The following RMND1 variants were observed in gnomAD, a reference collection of about 807,000 sequenced individuals.
The protein encoded by RMND1 is required for meiotic nuclear division 1 homolog.
A neutral mutation model predicts 54.0 loss-of-function variants in RMND1; 41 were observed. That is an observed-to-expected ratio of 0.76 (90% CI 0.59 to 0.98). RMND1 has a LOEUF of 0.98. Ranked by LOEUF, RMND1 falls within the 50% of genes least tolerant of loss-of-function variation. The probability of loss-of-function intolerance (pLI) is 0.00; values close to 1 mark genes in which losing one functional copy is unlikely to be tolerated. For synonymous variants in RMND1, 183 were observed against 181.7 expected, an observed-to-expected ratio of 1.01 and a Z score of -0.06; for missense variants, 457 against 532.0, an observed-to-expected ratio of 0.86 and a Z score of 1.39.
chr6:151,451,738 G>A (rs2114983673), intron 1 of RMND1, among the ~76,000 whole-genome samples: 1 of 152,294 alleles, frequency 6.6e-6, no homozygotes, highest in East Asian at 1.9e-4. Flanking sequence ...CGAGAGCTAA[G>A]TGGCGCTCAT....
Position 151,405,650 on chromosome 6 carries a change from CTTATT to C in RMND1, c.1317+65_1317+69del. 5.2e-6 allele frequency: 4 copies of C among 766,672 alleles called. No individual in the cohort carries two copies. The South Asian group carries it at 6.6e-5, about 13-fold the overall frequency. 47.5% of individuals were successfully genotyped at this position (766,672 alleles called of 1,614,324 possible). On this transcript the variant is annotated intron_variant, in intron 11 of 11. Transcript: ENST00000444024. ...CTAATAATTTTCTATCTCAAACTATCTTATTAGCATAGCCCCTGTATTTGTGAAAA... is the reference window on the plus strand; with the variant it reads ...CTAATAATTTTCTATCTCAAACTATCAGCATAGCCCCTGTATTTGTGAAAA...
At chr6:151,409,934 C>T (rs2114915987) in intron 10 of RMND1, among the ~76,000 whole-genome samples, 1 of 152,324 alleles carries the variant, frequency 6.6e-6, no homozygotes, top group African/African-American at 2.4e-5. Flanking sequence ...TGTAACTGCT[C>T]TCTGCATCTG....
At chr6:151,444,646 C>T (rs1414589266) in intron 2 of RMND1, 3 of 124,820 alleles carry the variant, frequency 2.4e-5, no homozygotes, top group African/African-American at 5.4e-5. Context: ...ATTAAAGATC[C>T]TCTTATAAAC....
chr6:151,419,039 G>A (rs1303115807), intron 9 of RMND1, among the ~76,000 whole-genome samples: 1 of 150,554 alleles, frequency 6.6e-6, no homozygotes, highest in Non-Finnish European at 1.5e-5. Context: ...CAAAGTGTTG[G>A]GATTACAGAT....
At chr6:151,416,177 C>T (rs982664372) in intron 10 of RMND1, among the ~76,000 whole-genome samples, 1 of 151,892 alleles carries the variant, frequency 6.6e-6, no homozygotes, top group Admixed American at 6.6e-5. Context: ...CAGCGTTTTA[C>T]CATATTGGCC....
intron 7 of RMND1, among the ~76,000 whole-genome samples, chr6:151,422,984 A>AAT (rs1780198863): frequency 6.6e-6 from 1 of 152,166 alleles, no homozygotes; most frequent in African/African-American, 2.4e-5. Context: ...AAACCTCAGA[A>AAT]ATCTCCGAAG....
rs200272405 is a variant in RMND1 at position 151,445,290 on chromosome 6, C to A, written c.504+18G>T. On this transcript the variant is annotated intron_variant, in intron 2 of 11. Coordinates refer to ENST00000444024, the MANE Select transcript of RMND1 (RefSeq NM_017909.4). ...CAATGATCACTAAGCACGAGAGCCA[C>A]GGCCACCCCTACTTTACCTCGTTCA... is the stretch of plus-strand genomic sequence containing the variant. 1.9e-6 allele frequency: 3 copies of A among 1,589,290 alleles called. No homozygotes were observed. Among genetic ancestry groups the A allele is most frequent in the Non-Finnish European group, 1.7e-6 (2 of 1,168,968 alleles).
chr6:151,438,165 A>T (rs576076909), intron 2 of RMND1, among the ~76,000 whole-genome samples: 9 of 152,212 alleles, frequency 5.9e-5, no homozygotes, highest in Non-Finnish European at 1.2e-4. Flanking sequence ...AGTTCTTTTT[A>T]AGGCTTCATG....
At chr6:151,406,585 T>A (rs1223710926) in intron 10 of RMND1, among the ~76,000 whole-genome samples, 5 of 152,034 alleles carry the variant, frequency 3.3e-5, no homozygotes, top group African/African-American at 9.7e-5. Context: ...CTCCTGACCT[T>A]GTGATCCGCC....
intron 2 of RMND1, among the ~76,000 whole-genome samples, chr6:151,440,850 G>A (rs758261805): frequency 2.6e-5 from 4 of 152,072 alleles, no homozygotes; most frequent in Non-Finnish European, 4.4e-5. Flanking sequence ...TAAAGATGCT[G>A]TTGTTTTCTG....
chr6:151,424,739 G>C (rs1179939218), intron 6 of RMND1, among the ~76,000 whole-genome samples: 1 of 151,126 alleles, frequency 6.6e-6, no homozygotes, highest in Non-Finnish European at 1.5e-5. Context: ...ATGTGACTGT[G>C]GAGAATCCTA....
At position 151,446,209 on chromosome 6, in the gene RMND1, G is replaced by C. The variant is rs564115094; in HGVS notation, c.-14-384C>G. 1.2e-3 allele frequency among the ~76,000 whole-genome samples: 178 copies of C among 152,228 alleles called. 1 individual carries two copies. Among genetic ancestry groups the C allele is most frequent in the African/African-American group, 4.1e-3 (172 of 41,546 alleles). On this transcript the variant is annotated intron_variant, in intron 1 of 11. Transcript: ENST00000444024. ...AGGCTGAGGCAGGTGGATCGCTTGA[G>C]TCCAAGAGTTCCAGACCAGCTGAGG...
chr6:151,427,469 A>C lies in RMND1; in HGVS notation c.830+13T>G. ...AAGTGCCCCTTTCATAAATTTGATGAAAAGTTGCTTACTCTATTTTTATGT... is the reference window on the plus strand; with the variant it reads ...AAGTGCCCCTTTCATAAATTTGATGCAAAGTTGCTTACTCTATTTTTATGT... On this transcript the variant is annotated intron_variant, in intron 6 of 11. Coordinates refer to ENST00000444024, the MANE Select transcript of RMND1 (RefSeq NM_017909.4). 6.6e-7 allele frequency: 1 copy of C among 1,512,964 alleles called. No homozygotes were observed. The highest frequency in any genetic ancestry group is 9.2e-7 in the Non-Finnish European group (1 of 1,090,024). 93.7% of individuals were successfully genotyped at this position (1,512,964 alleles called of 1,614,324 possible).
chr6:151,415,090 G>C (rs1454688199), intron 10 of RMND1, among the ~76,000 whole-genome samples: 2 of 151,152 alleles, frequency 1.3e-5, no homozygotes, highest in Non-Finnish European at 2.9e-5. Context: ...AGATCAGAAG[G>C]AGAAAAGAAC....
chr6:151,421,024 C>T (rs1780135401), intron 9 of RMND1: 6 of 401,256 alleles, frequency 1.5e-5, no homozygotes, highest in Admixed American at 4.1e-5. Context: ...GTAGATGAAT[C>T]GTGATCTCTT....
intron 10 of RMND1, chr6:151,416,988 C>T: frequency 4.3e-6 from 1 of 230,242 alleles, no homozygotes. Context: ...GTCACCATGA[C>T]AGATCAGAAG....
intron 2 of RMND1, among the ~76,000 whole-genome samples, chr6:151,442,025 G>A (rs1487296041): frequency 3.9e-5 from 6 of 152,282 alleles, no homozygotes; most frequent in African/African-American, 1.2e-4. Flanking sequence ...AGGACACCTT[G>A]TTAGTGTCTG....
chr6:151,421,987 G>T (rs890418811), intron 8 of RMND1, among the ~76,000 whole-genome samples: 5 of 151,912 alleles, frequency 3.3e-5, no homozygotes, highest in Non-Finnish European at 7.4e-5. Flanking sequence ...TGCACCAACA[G>T]AGGAAACAAT....
intron 1 of RMND1, among the ~76,000 whole-genome samples, chr6:151,448,400 C>T (rs911717523): frequency 1.4e-4 from 16 of 115,844 alleles, no homozygotes; most frequent in Non-Finnish European, 1.8e-4. Flanking sequence ...ATCCAGTTTA[C>T]ACTCCATGGT....
Sources: gnomAD v4.1 joint callset for allele counts (sites outside exome capture counted in the v4.1 genomes callset) on GRCh38, gnomAD v4.1.1 for gene constraint, MANE v1.5 for transcripts, NCBI Gene and HGNC (gene_info 2026-07-23, HGNC 2026-07-21) for gene names.